POTEJ: variants seen among roughly 807,000 people sequenced by gnomAD.
POTEJ encodes the protein POTE ankyrin domain family member J.
Under a neutral mutation model 69.0 loss-of-function variants are expected in POTEJ, and 11 were observed. The ratio of observed to expected loss-of-function variants is 0.16; its 90% confidence interval spans 0.10 to 0.26. The LOEUF (loss-of-function observed/expected upper bound fraction) is 0.26, where lower values mean the gene tolerates loss of function less well. POTEJ is among the 10% of genes least tolerant of loss of function. The probability of loss-of-function intolerance (pLI) is 1.00; values close to 1 mark genes in which losing one functional copy is unlikely to be tolerated. For synonymous variants in POTEJ, 117 were observed against 381.1 expected, an observed-to-expected ratio of 0.31 and a Z score of 8.07; for missense variants, 327 against 1,045.5, an observed-to-expected ratio of 0.31 and a Z score of 9.48.
intron 13 of POTEJ, among the ~76,000 whole-genome samples, chr2:130,647,762 T>C (rs1383526062): frequency 6.8e-6 from 1 of 147,594 alleles, no homozygotes; most frequent in East Asian, 2.0e-4. Flanking sequence ...TCCAAGATAC[T>C]TGACTTACAA....
At chr2:130,618,554 C>T (rs1685446128) in intron 3 of POTEJ, among the ~76,000 whole-genome samples, 1 of 147,436 alleles carries the variant, frequency 6.8e-6, no homozygotes, top group South Asian at 2.1e-4. Context: ...GCCTGGTCAA[C>T]ATAATGAGAC....
intron 6 of POTEJ, among the ~76,000 whole-genome samples, chr2:130,625,348 A>G (rs1291073173): frequency 6.6e-6 from 1 of 152,002 alleles, no homozygotes; most frequent in Admixed American, 6.5e-5. Flanking sequence ...GCTATAGACC[A>G]CAAACAATTA....
At chr2:130,654,612 G>C (rs1425749476) in intron 13 of POTEJ, among the ~76,000 whole-genome samples, 1 of 148,110 alleles carries the variant, frequency 6.8e-6, no homozygotes, top group Non-Finnish European at 1.5e-5. Flanking sequence ...TCTACATTTT[G>C]GTGAGATATA....
chr2:130,612,434 G>A (rs1170543221), intron 1 of POTEJ, among the ~76,000 whole-genome samples: 2 of 151,094 alleles, frequency 1.3e-5, no homozygotes, highest in African/African-American at 4.9e-5. Flanking sequence ...TGGGAAGATG[G>A]TTCCTGTGCT....
chr2:130,656,073 C>CT (rs1332637989), intron 14 of POTEJ, among the ~76,000 whole-genome samples: 2 of 145,324 alleles, frequency 1.4e-5, no homozygotes, highest in South Asian at 2.2e-4. Context: ...ACTTAAAGAA[C>CT]TTTGAGAAAT....
intron 10 of POTEJ, among the ~76,000 whole-genome samples, chr2:130,641,883 A>G (rs1264255305): frequency 6.6e-6 from 1 of 152,228 alleles, no homozygotes; most frequent in Non-Finnish European, 1.5e-5. Flanking sequence ...ACCGTCTGTG[A>G]CAGAAAGTCA....
At chr2:130,636,272 C>G (rs1159829255) in intron 9 of POTEJ, among the ~76,000 whole-genome samples, 1 of 152,212 alleles carries the variant, frequency 6.6e-6, no homozygotes, top group Non-Finnish European at 1.5e-5. Context: ...TGAGGAAGAA[C>G]CGTGTACTAC....
chr2:130,632,949 G>C (rs550528090), intron 9 of POTEJ, among the ~76,000 whole-genome samples: 2 of 147,506 alleles, frequency 1.4e-5, no homozygotes, highest in Middle Eastern at 3.4e-3. Context: ...TATAGGTAAA[G>C]TGTATCATGG....
At chr2:130,612,749 C>T (rs1259900254) in intron 1 of POTEJ, among the ~76,000 whole-genome samples, 4 of 111,434 alleles carry the variant, frequency 3.6e-5, no homozygotes, top group East Asian at 2.4e-4. Flanking sequence ...GGAGACAGAG[C>T]GAGATTCCGT....
intron 9 of POTEJ, among the ~76,000 whole-genome samples, chr2:130,636,731 A>T (rs1039589024): frequency 3.4e-5 from 5 of 147,844 alleles, no homozygotes; most frequent in African/African-American, 1.2e-4. Context: ...GCTACCTAAT[A>T]AATACTTGTT....
intron 10 of POTEJ, among the ~76,000 whole-genome samples, chr2:130,641,924 G>A (rs143429288): frequency 3.9e-5 from 6 of 152,196 alleles, no homozygotes; most frequent in Admixed American, 2.6e-4. Context: ...TGGGACAGAT[G>A]AACTTAATAG....
chr2:130,623,302 T>C (rs1247430458), intron 5 of POTEJ, among the ~76,000 whole-genome samples: 1 of 40,458 alleles, frequency 2.5e-5, no homozygotes, highest in East Asian at 4.5e-4. Context: ...GGATCGTTGG[T>C]CCAAGTCAGG....
intron 5 of POTEJ, 74 bp from the exon 6 acceptor site, chr2:130,623,987 TTAA>T: frequency 7.0e-7 from 1 of 1,426,252 alleles, no homozygotes; most frequent in Non-Finnish European, 9.5e-7. Context: ...TGAAATACTC[TTAA>T]TAATTCTGCA....
chr2:130,648,109 C>G (rs1316330072), intron 13 of POTEJ, among the ~76,000 whole-genome samples: 1 of 147,522 alleles, frequency 6.8e-6, no homozygotes. Flanking sequence ...TTTTATCAAG[C>G]AAGAAATATT....
intron 13 of POTEJ, 76 bp downstream of exon 13, chr2:130,646,386 A>C (rs1686579657): frequency 6.0e-6 from 3 of 502,896 alleles, no homozygotes; most frequent in South Asian, 4.7e-5. Flanking sequence ...AATATTCATG[A>C]TGAACAAATT....
At chr2:130,642,053 G>T (rs1686400890) in intron 10 of POTEJ, among the ~76,000 whole-genome samples, 1 of 150,588 alleles carries the variant, frequency 6.6e-6, no homozygotes. Flanking sequence ...AGCAAATTCG[G>T]TCCTAGAGTG....
intron 13 of POTEJ, among the ~76,000 whole-genome samples, chr2:130,648,781 GTTTTTTTTTTTTTT>G (rs761289482): frequency 1.2e-5 from 1 of 81,850 alleles, no homozygotes; most frequent in African/African-American, 5.5e-5. Context: ...CTTTCTCATA[GTTTTTTTTTTTTTT>G]TTTTTTTTTT....
rs1157434123 is a variant in POTEJ, at chr2:130,653,237, GCTAT to G, written c.1668-1681_1668-1678del. Among the ~76,000 whole-genome samples, 22 of 144,436 alleles carry G rather than the reference GCTAT, an allele frequency of 1.5e-4. 4 individuals are homozygous for G. Among genetic ancestry groups the G allele is most frequent in the South Asian group, 6.5e-4 (3 of 4,622 alleles). The allele number at this position is 144,436 out of a possible 152,430, so 94.8% of individuals were successfully genotyped here. A position where few individuals can be genotyped will look rare whatever the true frequency, so the allele number is the denominator to read the frequency against. ...ATCCAGTTTCATTCTTCAACATGTG[GCTAT>G]CTTTTTTTCCCAGCACCATTTATTG... On this transcript the variant is annotated intron_variant, in intron 13 of 14. Transcript: ENST00000409602.
chr2:130,637,799 G>A (rs1351995741), intron 9 of POTEJ, among the ~76,000 whole-genome samples: 13 of 151,782 alleles, frequency 8.6e-5, no homozygotes, highest in African/African-American at 1.2e-4. Context: ...TGTATATAAA[G>A]CATCATCGTA....
Sources: allele counts gnomAD v4.1 joint callset (sites outside exome capture counted in the v4.1 genomes callset), GRCh38; gene constraint gnomAD v4.1.1; transcripts MANE v1.5; gene names NCBI Gene and HGNC (gene_info 2026-07-23, HGNC 2026-07-21).